TMPRSS11F: variants seen among roughly 807,000 people sequenced by gnomAD.
TMPRSS11F encodes the protein transmembrane serine protease 11F.
Under a neutral mutation model 60.2 loss-of-function variants are expected in TMPRSS11F, and 47 were observed. That is an observed-to-expected ratio of 0.78 (90% CI 0.62 to 1.00). The LOEUF (loss-of-function observed/expected upper bound fraction) is 1.00, where lower values mean the gene tolerates loss of function less well. TMPRSS11F is among the 50% of genes least tolerant of loss of function. The pLI is 0.00. For synonymous variants in TMPRSS11F, 166 were observed against 167.3 expected (o/e 0.99, Z 0.06); for missense variants, 519 against 522.9 (o/e 0.99, Z 0.07).
intron 7 of TMPRSS11F, among the ~76,000 whole-genome samples, chr4:68,066,116 C>CAAAA (rs10638436): frequency 0.064 from 7,119 of 111,184 alleles, 537 homozygotes; most frequent in African/African-American, 0.15. Context: ...AAGACTGTCT[C>CAAAA]AAAAAAAAAA....
At chr4:68,120,197 CTA>C (rs1468236802) in intron 1 of TMPRSS11F, among the ~76,000 whole-genome samples, 1 of 152,074 alleles carries the variant, frequency 6.6e-6, no homozygotes, top group East Asian at 1.9e-4. Flanking sequence ...GAGATAGAAA[CTA>C]TTCCTGGTGA....
chr4:68,114,117 A>G (rs1724465710), intron 1 of TMPRSS11F, among the ~76,000 whole-genome samples: 1 of 152,020 alleles, frequency 6.6e-6, no homozygotes, highest in Non-Finnish European at 1.5e-5. Context: ...ACACAAGGCA[A>G]TGATTGGGGA....
chr4:68,109,487 C>G (rs1724366035), intron 1 of TMPRSS11F, among the ~76,000 whole-genome samples: 1 of 151,970 alleles, frequency 6.6e-6, no homozygotes, highest in East Asian at 1.9e-4. Context: ...AGTACAGATC[C>G]CTAAAAATTT....
intron 1 of TMPRSS11F, among the ~76,000 whole-genome samples, chr4:68,112,314 A>G (rs1007669793): frequency 2.6e-5 from 4 of 151,830 alleles, no homozygotes; most frequent in African/African-American, 7.3e-5. Flanking sequence ...ACTTCCCTAC[A>G]CTCAAATCCT....
intron 1 of TMPRSS11F, among the ~76,000 whole-genome samples, chr4:68,111,294 T>C (rs1724406213): frequency 6.6e-6 from 1 of 152,146 alleles, no homozygotes; most frequent in South Asian, 2.1e-4. Context: ...ACATGGTCTT[T>C]CCAAAACTTT....
chr4:68,122,269 G>T (rs951133654), intron 1 of TMPRSS11F, among the ~76,000 whole-genome samples: 1 of 151,998 alleles, frequency 6.6e-6, no homozygotes, highest in African/African-American at 2.4e-5. Flanking sequence ...TTCTATTATT[G>T]AATTTCATAT....
chr4:68,091,747 A>ATCTCTCTCTCTCTCTC (rs372346277), intron 2 of TMPRSS11F, among the ~76,000 whole-genome samples: 7 of 71,674 alleles, frequency 9.8e-5, no homozygotes, highest in African/African-American at 2.5e-4. Context: ...TTAATCTCTA[A>ATCTCTCTCTCTCTCTC]TCTCTCTCTC....
chr4:68,087,726 T>C (rs1164814342), intron 3 of TMPRSS11F, among the ~76,000 whole-genome samples: 5 of 150,370 alleles, frequency 3.3e-5, no homozygotes, highest in African/African-American at 5.0e-5. Flanking sequence ...TATTTATTTA[T>C]TTATTATTAT....
At chr4:68,057,714 T>A (rs79832388) in intron 9 of TMPRSS11F, among the ~76,000 whole-genome samples, 1 of 152,004 alleles carries the variant, frequency 6.6e-6, no homozygotes, top group African/African-American at 2.4e-5. Context: ...CTTAGATACC[T>A]CTCAAAAGAA....
chr4:68,070,459 C>G (rs76293661), intron 5 of TMPRSS11F, among the ~76,000 whole-genome samples: 5,678 of 152,208 alleles, frequency 0.037, 303 homozygotes, highest in African/African-American at 0.12. Context: ...TCACAGACCC[C>G]TGAGGGCCCA....
chr4:68,112,368 C>CT (rs1724424607), intron 1 of TMPRSS11F, among the ~76,000 whole-genome samples: 1 of 152,072 alleles, frequency 6.6e-6, no homozygotes, highest in African/African-American at 2.4e-5. Flanking sequence ...TCTCCATGGA[C>CT]CTTTTCTGAA....
intron 5 of TMPRSS11F, among the ~76,000 whole-genome samples, chr4:68,072,098 C>T (rs1046439907): frequency 1.9e-4 from 29 of 150,618 alleles, no homozygotes; most frequent in Admixed American, 6.6e-5. Flanking sequence ...GTTTAGAAAG[C>T]TTATTAAAAG....
intron 3 of TMPRSS11F, among the ~76,000 whole-genome samples, chr4:68,086,402 AAAC>A (rs777364897): frequency 6.6e-6 from 1 of 152,222 alleles, no homozygotes; most frequent in Non-Finnish European, 1.5e-5. Flanking sequence ...CTATAGCACT[AAAC>A]AAATACACCA....
chr4:68,058,928 G>A (rs935561638), intron 9 of TMPRSS11F, among the ~76,000 whole-genome samples: 1 of 152,160 alleles, frequency 6.6e-6, no homozygotes, highest in Admixed American at 6.5e-5. Flanking sequence ...CACTGGAGAA[G>A]AGGAGGTCTA....
intron 8 of TMPRSS11F, among the ~76,000 whole-genome samples, chr4:68,059,928 G>A (rs909327204): frequency 6.6e-6 from 1 of 152,138 alleles, no homozygotes; most frequent in Non-Finnish European, 1.5e-5. Flanking sequence ...GTATTATTTA[G>A]GGGTGTCTCA....
chr4:68,110,511 C>T (rs1477920536), intron 1 of TMPRSS11F, among the ~76,000 whole-genome samples: 1 of 152,082 alleles, frequency 6.6e-6, no homozygotes, highest in Non-Finnish European at 1.5e-5. Flanking sequence ...GATAGTATAA[C>T]ATACTAGTTA....
At chr4:68,119,268 A>C (rs927428559) in intron 1 of TMPRSS11F, among the ~76,000 whole-genome samples, 3 of 152,076 alleles carry the variant, frequency 2.0e-5, no homozygotes, top group African/African-American at 7.2e-5. Flanking sequence ...AAGTTAGTTC[A>C]TGAGATTTAA....
chr4:68,127,889 A>G (rs11930052), intron 1 of TMPRSS11F, among the ~76,000 whole-genome samples: 5 of 152,048 alleles, frequency 3.3e-5, no homozygotes, highest in African/African-American at 1.2e-4. Context: ...AAACCAATAA[A>G]CCAAAAATTG....
At chr4:68,098,796 T>A in intron 2 of TMPRSS11F, 91 bp downstream of exon 2, 1 of 1,197,122 alleles carries the variant, frequency 8.4e-7, no homozygotes, top group Non-Finnish European at 1.2e-6. Flanking sequence ...AATGTTAATA[T>A]CATGCAAATG....
Sources: allele counts gnomAD v4.1 joint callset (sites outside exome capture counted in the v4.1 genomes callset), GRCh38; gene constraint gnomAD v4.1.1; transcripts MANE v1.5; gene names NCBI Gene and HGNC (gene_info 2026-07-23, HGNC 2026-07-21).